Variants in NDRG3 observed in about 807,000 individuals in gnomAD.
The protein encoded by NDRG3 is NDRG family member 3, also known as protein NDRG3.
NDRG3 carries 23 observed loss-of-function variants against 57.2 expected under a neutral mutation model. The ratio of observed to expected loss-of-function variants is 0.40; its 90% CI spans 0.29 to 0.57. The LOEUF (loss-of-function observed/expected upper bound fraction) is 0.57, where lower values mean the gene tolerates loss of function less well. Ranked by LOEUF, NDRG3 falls within the 20% of genes least tolerant of loss-of-function variation. The pLI is 0.42. For synonymous variants in NDRG3, 132 were observed against 162.6 expected, an observed-to-expected ratio of 0.81 and a Z score of 1.43; for missense variants, 384 against 457.3, an observed-to-expected ratio of 0.84 and a Z score of 1.46.
chr20:36,699,717 T>C (rs952672314), intron 3 of NDRG3, among the ~76,000 whole-genome samples: 4 of 151,188 alleles, frequency 2.6e-5, no homozygotes, highest in Admixed American at 6.6e-5. Context: ...TGTGTGTGGG[T>C]ACACACAGGA....
At chr20:36,696,373 G>A (rs1982785826) in intron 3 of NDRG3, among the ~76,000 whole-genome samples, 1 of 152,132 alleles carries the variant, frequency 6.6e-6, no homozygotes, top group East Asian at 1.9e-4. Flanking sequence ...GGGATTACAG[G>A]CGTGAGTCAC....
rs76266020 is a variant in NDRG3 at position 36,706,292 on chromosome 20, T to C, written c.93+680A>G. Among the ~76,000 whole-genome samples the C allele has an allele frequency of 5.3e-3, 808 of 152,304 alleles. 5 individuals carry two copies. Among genetic ancestry groups the C allele is most frequent in the Middle Eastern group, 0.01 (3 of 294 alleles). ...GATTTCTTTTAGGGAAAGATTTTAC[T>C]GTCAAGAAATCTCTCCTCCATCTGC... On this transcript the variant is annotated intron_variant, in intron 3 of 15. Transcript: ENST00000349004.
chr20:36,713,652 T>C (rs1288223984), intron 2 of NDRG3, among the ~76,000 whole-genome samples: 1 of 152,172 alleles, frequency 6.6e-6, no homozygotes, highest in East Asian at 1.9e-4. Flanking sequence ...TTGGGTGAAT[T>C]TACCTGTTCT....
chr20:36,660,555 TA>T (rs1568622447), intron 12 of NDRG3, among the ~76,000 whole-genome samples, 171 bp from the exon 13 acceptor site: 17 of 150,918 alleles, frequency 1.1e-4, no homozygotes, highest in Non-Finnish European at 2.2e-4. Context: ...TTTATTTATT[TA>T]TTTATTTATT....
chr20:36,727,164 C>T (rs559381919), intron 1 of NDRG3, among the ~76,000 whole-genome samples: 1 of 152,304 alleles, frequency 6.6e-6, no homozygotes, highest in East Asian at 1.9e-4. Flanking sequence ...AATCTGCCAG[C>T]TTCAGTCTCC....
rs377254810 is a variant in NDRG3 at position 36,722,421 on chromosome 20, AC to A, written c.-48-639del. 1.7e-4 allele frequency among the ~76,000 whole-genome samples: 26 copies of A among 152,338 alleles called. No individual in the cohort carries two copies. The East Asian group carries it at 4.8e-3, about 28-fold the overall frequency. ...CAATGAATATGTGTTGTTTTAGGCT[AC>A]TACATTTGCGGTAATATTTTTATGC... On this transcript the variant is annotated intron_variant, in intron 1 of 15. Transcript: ENST00000349004.
At chr20:36,716,442 A>ATT (rs1984282028) in intron 2 of NDRG3, among the ~76,000 whole-genome samples, 1 of 151,516 alleles carries the variant, frequency 6.6e-6, no homozygotes, top group Non-Finnish European at 1.5e-5. Context: ...CTGAGGCAGA[A>ATT]GAATCACTTG....
chr20:36,746,029 G>A lies in NDRG3; in HGVS notation c.-49+16C>T, dbSNP rs1236586181. The A allele has an allele frequency of 6.1e-6, 2 of 327,630 alleles. No individual in the cohort carries two copies. The highest frequency in any genetic ancestry group is 2.2e-5 in the African/African-American group (1 of 46,020). 20.3% of individuals were successfully genotyped at this position (327,630 alleles called of 1,614,324 possible). On this transcript the variant is annotated intron_variant, in intron 1 of 15. Transcript: ENST00000349004. ...GCCGCGCGCCCCCCGCGGGCCGGGC[G>A]GAGGCGCTCACTCACCTGAGGCGCG...
chr20:36,680,840 G>A lies in NDRG3; in HGVS notation c.507C>T (p.Gly169=). ...CTTTGGAAGCTGCCCAGTCAATCCA[G>A]CCTTTAGCGCAAGGGTCAACATTAA... ...VLINVDPCAK[G]WIDWAASKLS... The change falls in exon 8 of 16, where the codon GGC becomes GGT. Residue 169 remains glycine, a synonymous_variant. Transcript: ENST00000349004. 2 of 1,614,076 alleles carry A rather than the reference G, an allele frequency of 1.2e-6. No individual in the cohort carries two copies. Among genetic ancestry groups the A allele is most frequent in the South Asian group, 2.2e-5 (2 of 91,084 alleles).
intron 1 of NDRG3, among the ~76,000 whole-genome samples, chr20:36,724,418 A>G (rs930554356): frequency 1.1e-4 from 17 of 152,178 alleles, no homozygotes; most frequent in African/African-American, 3.9e-4. Flanking sequence ...TTTTGTTTTT[A>G]TACCAGTCAC....
At chr20:36,708,876 T>C (rs1322135258) in intron 2 of NDRG3, among the ~76,000 whole-genome samples, 1 of 151,408 alleles carries the variant, frequency 6.6e-6, no homozygotes, top group Non-Finnish European at 1.5e-5. Context: ...CCATCTCTAT[T>C]AAAAATACAA....
chr20:36,691,200 G>C (rs887601696), intron 3 of NDRG3, among the ~76,000 whole-genome samples: 2 of 152,158 alleles, frequency 1.3e-5, no homozygotes, highest in Non-Finnish European at 2.9e-5. Flanking sequence ...TCTCTGATGT[G>C]GGCACCAGAA....
At chr20:36,725,879 C>G (rs966603602) in intron 1 of NDRG3, among the ~76,000 whole-genome samples, 1 of 151,438 alleles carries the variant, frequency 6.6e-6, no homozygotes, top group Non-Finnish European at 1.5e-5. Flanking sequence ...CAGAGAGAGG[C>G]CTAAGGTGCC....
At chr20:36,702,416 G>A (rs541217203) in intron 3 of NDRG3, among the ~76,000 whole-genome samples, 8 of 152,252 alleles carry the variant, frequency 5.3e-5, no homozygotes, top group Middle Eastern at 3.4e-3. Flanking sequence ...GATTACAGGC[G>A]TGAGCGACCG....
chr20:36,686,372 C>A (rs1981783037), intron 5 of NDRG3, among the ~76,000 whole-genome samples: 1 of 152,176 alleles, frequency 6.6e-6, no homozygotes, highest in African/African-American at 2.4e-5. Flanking sequence ...TAATAGTAAA[C>A]TTATCCCATA....
intron 2 of NDRG3, among the ~76,000 whole-genome samples, chr20:36,715,342 G>A (rs936773189): frequency 2.6e-5 from 4 of 151,322 alleles, no homozygotes; most frequent in Non-Finnish European, 5.9e-5. Flanking sequence ...CTGCAGTCCC[G>A]TCTAGAGCAC....
intron 1 of NDRG3, among the ~76,000 whole-genome samples, chr20:36,741,266 G>C (rs55907819): frequency 6.6e-6 from 1 of 152,034 alleles, no homozygotes; most frequent in Non-Finnish European, 1.5e-5. Context: ...CCTGCTCTTA[G>C]GAAGCTTACG....
intron 1 of NDRG3, among the ~76,000 whole-genome samples, chr20:36,742,734 A>G (rs1985980996): frequency 6.6e-6 from 1 of 152,220 alleles, no homozygotes; most frequent in Non-Finnish European, 1.5e-5. Context: ...AGTTAAAGAC[A>G]ATGTTTCCCA....
intron 8 of NDRG3, among the ~76,000 whole-genome samples, chr20:36,676,823 A>G (rs1031008806): frequency 1.3e-5 from 2 of 152,358 alleles, no homozygotes; most frequent in East Asian, 1.9e-4. Flanking sequence ...GGCTGCTGCC[A>G]TCACGCTGTG....
Sources: allele counts gnomAD v4.1 joint callset (sites outside exome capture counted in the v4.1 genomes callset), GRCh38; gene constraint gnomAD v4.1.1; transcripts MANE v1.5; gene names NCBI Gene and HGNC (gene_info 2026-07-23, HGNC 2026-07-21).